MAP2K2: variants seen among roughly 807,000 people sequenced by gnomAD.
MAP2K2 encodes the protein dual specificity mitogen-activated protein kinase kinase 2.
A neutral mutation model predicts 43.7 loss-of-function variants in MAP2K2; 24 were observed. That is an observed-to-expected ratio of 0.55 (90% CI 0.40 to 0.77). The LOEUF (loss-of-function observed/expected upper bound fraction) is 0.77, where lower values mean the gene tolerates loss of function less well. MAP2K2 is among the 30% of genes least tolerant of loss of function. The pLI, the probability that MAP2K2 is intolerant of heterozygous loss-of-function variation, is 0.00. For missense variants in MAP2K2, 470 were observed against 566.8 expected (o/e 0.83, Z 1.73); for synonymous variants, 244 against 239.7 (o/e 1.02, Z -0.17).
chr19:4,102,356 T>A lies in MAP2K2; in HGVS notation c.528+20A>T. ...TGCAGAGTGCGGTGGGGGCGCGATG[T>A]GGGTCTGCGGTGGACTCACCGCGAT... On this transcript the variant is annotated intron_variant, in intron 4 of 10. Transcript: ENST00000262948. 1 of 1,578,892 alleles carries A rather than the reference T, an allele frequency of 6.3e-7. No individual in the cohort carries two copies. The highest frequency in any genetic ancestry group is 8.6e-7 in the Non-Finnish European group (1 of 1,163,138).
chr19:4,101,607 C>T lies in MAP2K2; in HGVS notation c.529-327G>A, dbSNP rs558489788. 5.7e-4 allele frequency among the ~76,000 whole-genome samples: 87 copies of T among 152,252 alleles called. 1 individual carries two copies. The highest frequency in any genetic ancestry group is 1.9e-3 in the African/African-American group (80 of 41,552). On this transcript the variant is annotated intron_variant, in intron 4 of 10. Coordinates refer to ENST00000262948, the MANE Select transcript of MAP2K2 (RefSeq NM_030662.4). This position sits in a 1 kb window ranked among gnomAD's most constrained non-coding sequence, Gnocchi z 6.3. ...ATGGCCCGGGAGTAGGCTGGGCTGC[C>T]GAGTTTGCCCACATCAGCCTGAAAG...
chr19:4,103,811 T>C (rs921475632), intron 3 of MAP2K2, among the ~76,000 whole-genome samples: 2 of 152,156 alleles, frequency 1.3e-5, no homozygotes, highest in African/African-American at 4.8e-5. Context: ...AGCTCCAGGC[T>C]GAAGACGCAG....
At chr19:4,103,066 G>A (rs1325872151) in intron 3 of MAP2K2, 1 of 1,023,634 alleles carries the variant, frequency 9.8e-7, no homozygotes, top group Non-Finnish European at 1.2e-6. Flanking sequence ...ACCTAGGGCA[G>A]AAAGGCCAGG....
intron 3 of MAP2K2, among the ~76,000 whole-genome samples, chr19:4,107,988 A>C (rs1374729368): frequency 6.6e-6 from 1 of 152,162 alleles, no homozygotes; most frequent in Admixed American, 6.5e-5. Context: ...GCCCATCCTC[A>C]GCCCCGGTGC....
chr19:4,119,994 G>A (rs2041272310), intron 1 of MAP2K2, among the ~76,000 whole-genome samples: 1 of 152,272 alleles, frequency 6.6e-6, no homozygotes. Context: ...CTCGCTGGAA[G>A]GCAGGGGCCT....
chr19:4,102,960 G>C (rs372000487), intron 3 of MAP2K2: 1 of 1,104,514 alleles, frequency 9.1e-7, no homozygotes, highest in Non-Finnish European at 1.1e-6. Flanking sequence ...GGGAGGAGGC[G>C]GCGGGTCGCT....
chr19:4,107,777 G>A (rs1056946459), intron 3 of MAP2K2, among the ~76,000 whole-genome samples: 4 of 152,102 alleles, frequency 2.6e-5, no homozygotes, highest in South Asian at 2.1e-4. Flanking sequence ...AGGAAACAGC[G>A]TAGAAATACA....
intron 10 of MAP2K2, among the ~76,000 whole-genome samples, chr19:4,091,828 T>C (rs1022943724): frequency 3.9e-5 from 6 of 152,154 alleles, no homozygotes; most frequent in Admixed American, 2.6e-4. Flanking sequence ...TTTGTATTTT[T>C]AGTTGAGACC....
chr19:4,109,094 G>T (rs1006256344), intron 3 of MAP2K2, among the ~76,000 whole-genome samples: 1 of 152,140 alleles, frequency 6.6e-6, no homozygotes, highest in Non-Finnish European at 1.5e-5. Flanking sequence ...CTGTCAAAGG[G>T]GATCGCACGT....
At position 4,110,818 on chromosome 19, in the gene MAP2K2, G is replaced by A. The variant is rs143930941; in HGVS notation, c.304-163C>T. Among the ~76,000 whole-genome samples the A allele has an allele frequency of 5.8e-4, 89 of 152,234 alleles. 6 individuals carry two copies. Among genetic ancestry groups the A allele is most frequent in the African/African-American group, 2.0e-3 (85 of 41,542 alleles). On this transcript the variant is annotated intron_variant, in intron 2 of 10. Coordinates refer to ENST00000262948, the MANE Select transcript of MAP2K2 (RefSeq NM_030662.4). ...TGTCTGCCTAGAAGTGGACACATACGTCCACACAGAAACGTGTCCCAAGTG... is the reference window on the plus strand; with the variant it reads ...TGTCTGCCTAGAAGTGGACACATACATCCACACAGAAACGTGTCCCAAGTG...
chr19:4,123,741 G>A lies in MAP2K2; in HGVS notation c.92+43C>T. 2.7e-6 allele frequency: 4 copies of A among 1,458,254 alleles called. No individual in the cohort carries two copies. In the East Asian group the frequency reaches 8.1e-5, roughly 30 times the overall value. The allele number at this position is 1,458,254 out of a possible 1,614,324, so 90.3% of individuals were successfully genotyped here. On this transcript the variant is annotated intron_variant, in intron 1 of 10. Transcript: ENST00000262948. ...CCCCGTCCTTCCCCGAGGGCTCCCT[G>A]CCCCGTGCACCCCAAGCCTCCGGCT...
intron 3 of MAP2K2, among the ~76,000 whole-genome samples, chr19:4,110,140 C>G (rs1439272466): frequency 6.6e-6 from 1 of 151,944 alleles, no homozygotes; most frequent in South Asian, 2.1e-4. Flanking sequence ...CCTGTCTCTA[C>G]TAAAAATACA....
At position 4,090,633 on chromosome 19, in the gene MAP2K2, T is replaced by G; in HGVS notation, c.1168A>C (p.Asn390His). ...GTGCGCGTGGGTGTGCCGGGCTGGT[T>G]CAGCCGCAGGGTTTTACACAACCAG... ...AGWLCKTLRL[N>H]QPGTPTRTAV Residue 390 changes from asparagine (N) to histidine (H), a missense_variant, in exon 11 of 11, where the codon AAC becomes CAC. Asn to His is a moderately conservative substitution (Grantham distance 68). Transcript: ENST00000262948. The G allele has an allele frequency of 6.4e-7, 1 of 1,554,806 alleles. No homozygotes were observed. The highest frequency in any genetic ancestry group is 8.7e-7 in the Non-Finnish European group (1 of 1,149,328).
At chr19:4,108,480 C>T (rs1032832941) in intron 3 of MAP2K2, among the ~76,000 whole-genome samples, 1 of 150,970 alleles carries the variant, frequency 6.6e-6, no homozygotes, top group African/African-American at 2.4e-5. Flanking sequence ...AGAATAGTCT[C>T]GATCTCCTGA....
chr19:4,094,654 C>A, intron 9 of MAP2K2, 156 bp from the exon 10 acceptor site: 1 of 714,482 alleles, frequency 1.4e-6, no homozygotes. Context: ...CTCTGTTCTG[C>A]CTCCTGGCAG....
At chr19:4,092,013 G>A (rs546982001) in intron 10 of MAP2K2, among the ~76,000 whole-genome samples, 1 of 152,124 alleles carries the variant, frequency 6.6e-6, no homozygotes, top group Non-Finnish European at 1.5e-5. Flanking sequence ...CACAACATGA[G>A]AAGCCTCTTG....
chr19:4,112,657 T>TGCCCCTGCCTGCCC (rs1465508766), intron 2 of MAP2K2, among the ~76,000 whole-genome samples: 2 of 149,920 alleles, frequency 1.3e-5, no homozygotes, highest in South Asian at 2.1e-4. Flanking sequence ...TGGCGCTGCC[T>TGCCCCTGCCTGCCC]GCCCCTGCCT....
At chr19:4,117,017 C>T (rs996257567) in intron 2 of MAP2K2, among the ~76,000 whole-genome samples, 6 of 152,242 alleles carry the variant, frequency 3.9e-5, no homozygotes, top group East Asian at 1.9e-4. Flanking sequence ...GCTGCGTAGG[C>T]GGTCTGTCAC....
intron 1 of MAP2K2, among the ~76,000 whole-genome samples, chr19:4,119,541 C>T (rs2041267573): frequency 6.6e-6 from 1 of 152,198 alleles, no homozygotes; most frequent in South Asian, 2.1e-4. Flanking sequence ...TTTAATAACA[C>T]ATTTGATTTA....
Sources: allele counts gnomAD v4.1 joint callset (sites outside exome capture counted in the v4.1 genomes callset), GRCh38; gene constraint gnomAD v4.1.1; non-coding constraint Gnocchi (gnomAD v3.1); transcripts MANE v1.5; gene names NCBI Gene and HGNC (gene_info 2026-07-23, HGNC 2026-07-21).